WDR7: variants seen among roughly 807,000 people sequenced by gnomAD.
The protein encoded by WDR7 is WD repeat-containing protein 7.
WDR7 carries 46 observed loss-of-function variants against 169.4 expected under a neutral mutation model. The ratio of observed to expected loss-of-function variants is 0.27; its 90% CI spans 0.21 to 0.35. The LOEUF (loss-of-function observed/expected upper bound fraction) is 0.35, where lower values mean the gene tolerates loss of function less well. WDR7 is among the 10% of genes least tolerant of loss of function. The probability of loss-of-function intolerance (pLI) is 1.00; values close to 1 mark genes in which losing one functional copy is unlikely to be tolerated. For missense variants in WDR7, 1,534 were observed against 1,859.3 expected, an observed-to-expected ratio of 0.83 and a Z score of 3.22; for synonymous variants, 612 against 666.8, an observed-to-expected ratio of 0.92 and a Z score of 1.27.
chr18:56,969,009 C>T (rs2047448423), intron 26 of WDR7, among the ~76,000 whole-genome samples: 1 of 152,190 alleles, frequency 6.6e-6, no homozygotes, highest in Non-Finnish European at 1.5e-5. Context: ...TGATTATTCT[C>T]TGTAAGCAGG....
chr18:57,033,324 A>G (rs2048452085), downstream of WDR7: 1 of 152,188 alleles, frequency 6.6e-6, no homozygotes, highest in South Asian at 2.1e-4. Context: ...TGGGGATGTT[A>G]TAATGTAGGA....
At chr18:56,663,854 T>G (rs680885) in intron 1 of WDR7, among the ~76,000 whole-genome samples, 139,503 of 151,918 alleles carry the variant, frequency 0.92, 65,211 homozygotes, top group East Asian at 1. Context: ...AATTTTAAAG[T>G]CATATCAAAT....
intron 21 of WDR7, among the ~76,000 whole-genome samples, chr18:56,887,318 A>G (rs973776010): frequency 6.6e-6 from 1 of 152,176 alleles, no homozygotes; most frequent in Non-Finnish European, 1.5e-5. Flanking sequence ...TTTCTCCTCA[A>G]CTTTCCCAAT....
At chr18:56,845,775 T>G (rs2045556984) in intron 20 of WDR7, among the ~76,000 whole-genome samples, 2 of 152,294 alleles carry the variant, frequency 1.3e-5, no homozygotes, top group South Asian at 4.1e-4. Context: ...GTATTAGATA[T>G]AAGTTTCTTT....
intron 14 of WDR7, among the ~76,000 whole-genome samples, chr18:56,747,574 G>T (rs1291342611): frequency 6.6e-6 from 1 of 152,176 alleles, no homozygotes; most frequent in African/African-American, 2.4e-5. Context: ...GTAGTTCATT[G>T]TGTTGAGCCT....
intron 7 of WDR7, among the ~76,000 whole-genome samples, chr18:56,688,433 A>G (rs945322103): frequency 2.0e-5 from 3 of 152,120 alleles, no homozygotes. Context: ...TAATAAAAAA[A>G]CAATCTGGGC....
rs1398983481 is a variant in WDR7 at position 56,776,889 on chromosome 18, C to T, written c.2947+9C>T. On this transcript the variant is annotated intron_variant, in intron 17 of 27. Transcript: ENST00000254442. ...TTTCTTAGTAAATGAAGGTATCTCT[C>T]TCAACTTCTAACAACTTTCTCTCAA... 3.1e-6 allele frequency: 5 copies of T among 1,606,842 alleles called. No individual in the cohort carries two copies. In the East Asian group the frequency reaches 8.9e-5, roughly 29 times the overall value.
chr18:57,036,477 C>T, the WDR7 span: 7 of 152,602 alleles, frequency 4.6e-5, no homozygotes, highest in East Asian at 1.3e-3. Context: ...AGCTTCATAG[C>T]TCCCAGCGCA....
At chr18:56,741,901 C>A (rs1297591585) in intron 14 of WDR7, among the ~76,000 whole-genome samples, 1 of 152,114 alleles carries the variant, frequency 6.6e-6, no homozygotes, top group Admixed American at 6.5e-5. Flanking sequence ...ATAATACCAT[C>A]AAATAATGAC....
intron 26 of WDR7, among the ~76,000 whole-genome samples, chr18:56,981,737 C>T (rs1365355470): frequency 6.6e-6 from 1 of 152,130 alleles, no homozygotes; most frequent in African/African-American, 2.4e-5. Flanking sequence ...GGTGACTTTA[C>T]AAAAGCAAGC....
At chr18:56,904,519 C>T (rs2046450382) in intron 21 of WDR7, among the ~76,000 whole-genome samples, 1 of 152,050 alleles carries the variant, frequency 6.6e-6, no homozygotes, top group Admixed American at 6.5e-5. Flanking sequence ...TTTTTTGTAG[C>T]CTTTTGATTT....
intron 21 of WDR7, among the ~76,000 whole-genome samples, chr18:56,884,224 T>C (rs2046154463): frequency 6.6e-6 from 1 of 152,214 alleles, no homozygotes; most frequent in Non-Finnish European, 1.5e-5. Flanking sequence ...GGTGTCGCAT[T>C]GTGGTTTTGA....
intron 27 of WDR7, among the ~76,000 whole-genome samples, chr18:57,026,085 T>C (rs551141367): frequency 3.9e-5 from 6 of 152,364 alleles, no homozygotes; most frequent in East Asian, 1.9e-4. Flanking sequence ...CATAATGCTA[T>C]TGAAGATATT....
intron 21 of WDR7, among the ~76,000 whole-genome samples, chr18:56,899,975 A>G (rs2046378643): frequency 6.6e-6 from 1 of 151,622 alleles, no homozygotes; most frequent in Non-Finnish European, 1.5e-5. Context: ...TTTATGCTCC[A>G]AACCTGTAGA....
chr18:57,029,619 G>A lies in WDR7; in HGVS notation c.*2412G>A, dbSNP rs1357089659. ...CTTCATTGGTAATTTACAAGCAAAA[G>A]ATGACATGACGTGACACCTGTATGA... On this transcript the variant is annotated 3_prime_UTR_variant, in exon 28 of 28. Transcript: ENST00000254442. The A allele has an allele frequency of 6.6e-6, 1 of 151,992 alleles. No individual in the cohort carries two copies. The highest frequency in any genetic ancestry group is 1.5e-5 in the Non-Finnish European group (1 of 68,038). 9.4% of individuals were successfully genotyped at this position (151,992 alleles called of 1,614,324 possible). A position where few individuals can be genotyped will look rare whatever the true frequency, so the allele number is the denominator to read the frequency against.
chr18:56,725,241 A>C (rs1210567792), intron 13 of WDR7, among the ~76,000 whole-genome samples: 1 of 150,748 alleles, frequency 6.6e-6, no homozygotes, highest in Non-Finnish European at 1.5e-5. Context: ...TGTCTTCCAC[A>C]ATGGTTGAAC....
At chr18:56,869,905 TG>T (rs1184142134) in intron 20 of WDR7, among the ~76,000 whole-genome samples, 6 of 152,180 alleles carry the variant, frequency 3.9e-5, no homozygotes, top group African/African-American at 1.4e-4. Flanking sequence ...TAAACACATT[TG>T]GTTTAGGAAA....
chr18:56,875,273 A>G (rs986766541), intron 20 of WDR7, among the ~76,000 whole-genome samples: 1 of 152,142 alleles, frequency 6.6e-6, no homozygotes, highest in African/African-American at 2.4e-5. Context: ...CTCAGACCTC[A>G]TCGTGTATTG....
At chr18:56,938,399 CA>C in intron 23 of WDR7, 133 bp from the exon 24 acceptor site, 2 of 1,158,042 alleles carry the variant, frequency 1.7e-6, no homozygotes, top group Non-Finnish European at 2.4e-6. Context: ...TTTTTGTAAA[CA>C]AAAGTATTTT....
Sources: allele counts gnomAD v4.1 joint callset (sites outside exome capture counted in the v4.1 genomes callset), GRCh38; gene constraint gnomAD v4.1.1; transcripts MANE v1.5; gene names NCBI Gene and HGNC (gene_info 2026-07-23, HGNC 2026-07-21).